The following WDR20 variants were observed in gnomAD, a reference collection of about 807,000 sequenced individuals.
The protein encoded by WDR20 is WD repeat domain 20.
Under a neutral mutation model 38.7 loss-of-function variants are expected in WDR20, and 3 were observed. That is an observed-to-expected ratio of 0.08 (90% CI 0.04 to 0.20). The LOEUF is 0.20. Among genes scored for constraint, WDR20 ranks in the 10% least tolerant of loss-of-function variants. The pLI is 1.00. For synonymous variants in WDR20, 298 were observed against 285.6 expected (o/e 1.04, Z -0.44); for missense variants, 559 against 727.7 (o/e 0.77, Z 2.67).
downstream of WDR20, chr14:102,214,002 CG>C: frequency 1.0e-6 from 1 of 985,410 alleles, no homozygotes; most frequent in Non-Finnish European, 1.2e-6. Context: ...GAGGGCATGG[CG>C]GGGGATCCGG....
downstream of WDR20, among the ~76,000 whole-genome samples, chr14:102,224,036 GATTTTTT>G (rs2064146338): frequency 7.2e-6 from 1 of 139,442 alleles, no homozygotes; most frequent in African/African-American, 2.7e-5. Context: ...GTTTACCTGA[GATTTTTT>G]TTTTTTTTTT....
At chr14:102,157,611 T>C (rs1277386738) in intron 1 of WDR20, among the ~76,000 whole-genome samples, 1 of 152,154 alleles carries the variant, frequency 6.6e-6, no homozygotes, top group Non-Finnish European at 1.5e-5. Context: ...CAGTGTAATA[T>C]TTGTCTCAAT....
chr14:102,169,140 TC>T (rs1000454974), intron 1 of WDR20, among the ~76,000 whole-genome samples: 2 of 151,976 alleles, frequency 1.3e-5, no homozygotes, highest in African/African-American at 4.8e-5. Flanking sequence ...CCCCTCCCCG[TC>T]CCACCCGTGG....
chr14:102,181,564 T>C (rs1169447138), intron 1 of WDR20, among the ~76,000 whole-genome samples: 1 of 152,176 alleles, frequency 6.6e-6, no homozygotes, highest in Non-Finnish European at 1.5e-5. Flanking sequence ...TCCCCTGATG[T>C]AAGACTTAGA....
chr14:102,189,710 G>T (rs956738386), intron 1 of WDR20, among the ~76,000 whole-genome samples: 7 of 152,184 alleles, frequency 4.6e-5, no homozygotes. Context: ...ATCTCAGTGT[G>T]TAGAATCTAT....
intron 1 of WDR20, among the ~76,000 whole-genome samples, chr14:102,149,359 G>A (rs1031046362): frequency 6.6e-6 from 1 of 152,094 alleles, no homozygotes; most frequent in Non-Finnish European, 1.5e-5. Context: ...ATAATACAAA[G>A]TAGAGGATAT....
chr14:102,194,407 A>G (rs1385956448), intron 1 of WDR20, among the ~76,000 whole-genome samples: 5 of 152,142 alleles, frequency 3.3e-5, no homozygotes, highest in African/African-American at 1.2e-4. Flanking sequence ...CCCTACTCCC[A>G]TAGTTTCTGA....
intron 1 of WDR20, among the ~76,000 whole-genome samples, chr14:102,157,812 G>T (rs1447394556): frequency 6.6e-6 from 1 of 152,086 alleles, no homozygotes. Flanking sequence ...CTTGGGGAGG[G>T]TAGGATTATC....
At position 102,163,382 on chromosome 14, in the gene WDR20, C is replaced by T. The variant is rs148927904; in HGVS notation, c.249+23210C>T. On this transcript the variant is annotated intron_variant, in intron 1 of 2. Transcript: ENST00000342702. ...GTGGCTCACGCCTGTAATCCCAGCACTTTGTGAGGCCGAGGCGGGCGGATC... is the reference window on the plus strand; with the variant it reads ...GTGGCTCACGCCTGTAATCCCAGCATTTTGTGAGGCCGAGGCGGGCGGATC... Among the ~76,000 whole-genome samples the T allele has an allele frequency of 5.1e-3, 783 of 152,178 alleles. 8 individuals carry two copies. Among genetic ancestry groups the T allele is most frequent in the African/African-American group, 0.018 (743 of 41,456 alleles).
At chr14:102,193,543 T>G in intron 1 of WDR20, 2 of 1,608,924 alleles carry the variant, frequency 1.2e-6, no homozygotes, top group South Asian at 1.1e-5. Flanking sequence ...CCGCATGGCA[T>G]GCACCCTCAT....
At chr14:102,205,656 C>T (rs4900534) in intron 2 of WDR20, among the ~76,000 whole-genome samples, 43,475 of 151,954 alleles carry the variant, frequency 0.29, 7,541 homozygotes, top group Non-Finnish European at 0.38. Flanking sequence ...CTGCTGCCTG[C>T]CTGCCACTCA....
At chr14:102,206,456 G>A (rs1053050087) in intron 2 of WDR20, among the ~76,000 whole-genome samples, 1 of 152,140 alleles carries the variant, frequency 6.6e-6, no homozygotes, top group African/African-American at 2.4e-5. Flanking sequence ...TTTTTGTTGT[G>A]TTTTTTAAGG....
intron 1 of WDR20, among the ~76,000 whole-genome samples, chr14:102,185,337 A>AG (rs1172870045): frequency 2.0e-5 from 3 of 152,156 alleles, no homozygotes; most frequent in Admixed American, 2.0e-4. Context: ...TGAAAAGAAG[A>AG]GGTAGATCTG....
At chr14:102,197,837 T>A (rs1157990208) in intron 2 of WDR20, 1 of 702,780 alleles carries the variant, frequency 1.4e-6, no homozygotes, top group Non-Finnish European at 2.6e-6. Context: ...GAGGCTCTAG[T>A]AACTGTCCAG....
downstream of WDR20, among the ~76,000 whole-genome samples, chr14:102,210,823 C>T (rs193060126): frequency 4.6e-5 from 7 of 152,308 alleles, no homozygotes; most frequent in East Asian, 5.8e-4. Flanking sequence ...TGAGACTCCC[C>T]GAGTCTTCCG....
intron 1 of WDR20, among the ~76,000 whole-genome samples, chr14:102,150,996 A>G (rs186457076): frequency 1.1e-4 from 16 of 152,340 alleles, no homozygotes; most frequent in African/African-American, 3.6e-4. Flanking sequence ...CAAAGTGCCT[A>G]CAGTCTAGTG....
chr14:102,148,339 G>A (rs2054405359), intron 1 of WDR20, among the ~76,000 whole-genome samples: 2 of 152,062 alleles, frequency 1.3e-5, no homozygotes, highest in African/African-American at 4.8e-5. Flanking sequence ...AGCCCCAGGA[G>A]TTTGAGACCA....
At chr14:102,187,563 G>A (rs1263555919) in intron 1 of WDR20, among the ~76,000 whole-genome samples, 2 of 152,160 alleles carry the variant, frequency 1.3e-5, no homozygotes, top group Non-Finnish European at 2.9e-5. Flanking sequence ...TGGAGGGGCG[G>A]GGGTGATAAG....
In WDR20 at chr14:102,222,307, GC is replaced by G. The variant is rs2063985872; in HGVS notation, c.1693-521del. Reference sequence around the variant, plus strand: ...GGGCCTACACATGTGGACAGCTACAGCCAGGGGGTGCCACGGTCACACCACC... The same window carrying G: ...GGGCCTACACATGTGGACAGCTACAGCAGGGGGTGCCACGGTCACACCACC... On this transcript the variant is annotated intron_variant, in intron 3 of 3. Coordinates refer to the WDR20 transcript ENST00000335263. The surrounding 1 kb of genome is among the most constrained non-coding windows in gnomAD (Gnocchi z 4.4). Among the ~76,000 whole-genome samples the G allele has an allele frequency of 6.6e-6, 1 of 152,210 alleles. No individual in the cohort carries two copies. The highest frequency in any genetic ancestry group is 2.4e-5 in the African/African-American group (1 of 41,450).
Sources: allele counts gnomAD v4.1 joint callset (sites outside exome capture counted in the v4.1 genomes callset), GRCh38; gene constraint gnomAD v4.1.1; non-coding constraint Gnocchi (gnomAD v3.1); transcripts MANE v1.5; gene names NCBI Gene and HGNC (gene_info 2026-07-23, HGNC 2026-07-21).